FRK: variants seen among roughly 807,000 people sequenced by gnomAD.
FRK encodes tyrosine-protein kinase FRK.
In FRK, 51 loss-of-function variants were observed where a neutral mutation model predicts 56.4. The observed-to-expected ratio is 0.90, with a 90% CI of 0.72 to 1.14. The LOEUF (loss-of-function observed/expected upper bound fraction) is 1.14, where lower values mean the gene tolerates loss of function less well. Among genes scored for constraint, FRK ranks in the 50% most tolerant of loss-of-function variants. FRK has a pLI of 0.00. For missense variants in FRK, 570 were observed against 601.4 expected, an observed-to-expected ratio of 0.95 and a Z score of 0.55; for synonymous variants, 245 against 217.9, an observed-to-expected ratio of 1.12 and a Z score of -1.10.
At chr6:115,962,381 C>T (rs28768722) in intron 4 of FRK, among the ~76,000 whole-genome samples, 25,651 of 149,214 alleles carry the variant, frequency 0.17, 3,027 homozygotes, top group Middle Eastern at 0.3. Flanking sequence ...TACAGGAGCA[C>T]CCAGATTCAT....
Position 115,942,448 on chromosome 6 carries a change from G to C in FRK, c.1484C>G (p.Ser495Cys). The change falls in exon 8 of 8, where the codon TCT becomes TGT. Residue 495 changes from serine to cysteine, a missense_variant. Physicochemically the swap from Ser to Cys is moderately radical, Grantham distance 112. Transcript: ENST00000606080. ...GAAGTTATTTGCATCTGAATATGAA[G>C]AGTCTGTTTCAAAATAGTCTTCAAG... ...WKLEDYFETD[S>C]SYSDANNFIR is the part of the protein sequence containing the mutation. 6.2e-7 allele frequency: 1 copy of C among 1,613,518 alleles called. No individual in the cohort carries two copies. Among genetic ancestry groups the C allele is most frequent in the East Asian group, 2.2e-5 (1 of 44,862 alleles).
At chr6:116,056,926 G>T (rs997325130) in intron 1 of FRK, among the ~76,000 whole-genome samples, 1 of 152,196 alleles carries the variant, frequency 6.6e-6, no homozygotes, top group Non-Finnish European at 1.5e-5. Context: ...AGTGGGATAA[G>T]AATTAGTAAA....
At chr6:115,959,034 A>C (rs1279777042) in intron 4 of FRK, among the ~76,000 whole-genome samples, 1 of 152,182 alleles carries the variant, frequency 6.6e-6, no homozygotes, top group Non-Finnish European at 1.5e-5. Flanking sequence ...CTTCATGGCC[A>C]TGCTGGTTAT....
At position 115,936,481 on chromosome 6, in the gene FRK, G is replaced by A. The variant is rs1216484276; in HGVS notation, c.*5933C>T. The stretch of plus-strand genomic sequence containing the variant: ...AAACTGGATGGAGAATGAGTTTGAC[G>A]GATGGATAGAAGTAGGCCTCAGAAG... On this transcript the variant is annotated 3_prime_UTR_variant, in exon 8 of 8. Transcript: ENST00000606080. 3.9e-5 allele frequency: 6 copies of A among 152,096 alleles called. No homozygotes were observed. The highest frequency in any genetic ancestry group is 8.8e-5 in the Non-Finnish European group (6 of 68,042). 9.4% of individuals were successfully genotyped at this position (152,096 alleles called of 1,614,324 possible).
chr6:116,055,514 C>CA (rs1255018720), intron 1 of FRK, among the ~76,000 whole-genome samples: 1 of 152,198 alleles, frequency 6.6e-6, no homozygotes, highest in Non-Finnish European at 1.5e-5. Context: ...ACAAGAGATA[C>CA]AAAGACACCA....
At chr6:115,943,416 G>A (rs1312660266) in intron 6 of FRK, among the ~76,000 whole-genome samples, 2 of 148,118 alleles carry the variant, frequency 1.4e-5, no homozygotes, top group East Asian at 2.0e-4. Context: ...GCCAAGAATA[G>A]CACTGAAAGA....
At chr6:116,032,859 T>A (rs1776348623) in intron 1 of FRK, among the ~76,000 whole-genome samples, 1 of 152,176 alleles carries the variant, frequency 6.6e-6, no homozygotes, top group Non-Finnish European at 1.5e-5. Context: ...ATTAAAAAAA[T>A]TCTTCTTTGC....
chr6:116,036,264 G>A (rs1196394075), intron 1 of FRK, among the ~76,000 whole-genome samples: 1 of 152,094 alleles, frequency 6.6e-6, no homozygotes, highest in Non-Finnish European at 1.5e-5. Flanking sequence ...CCATCTTTCA[G>A]CAGTGTCTGA....
At chr6:116,067,350 T>C in the FRK span, among the ~76,000 whole-genome samples, 2 of 152,198 alleles carry the variant, frequency 1.3e-5, no homozygotes, top group Non-Finnish European at 2.9e-5. Context: ...AAAGGAACTA[T>C]TACAGCATGT....
At chr6:115,989,984 A>G (rs563108409) in intron 2 of FRK, among the ~76,000 whole-genome samples, 2 of 151,934 alleles carry the variant, frequency 1.3e-5, no homozygotes, top group South Asian at 2.1e-4. Context: ...GCCATTCTGA[A>G]TGGTGTAGGA....
At chr6:116,046,582 G>T (rs186866347) in intron 1 of FRK, among the ~76,000 whole-genome samples, 2 of 152,234 alleles carry the variant, frequency 1.3e-5, no homozygotes, top group East Asian at 1.9e-4. Context: ...ATTGAACAAT[G>T]AGAACATGTG....
chr6:116,028,736 C>A (rs1191525588), intron 1 of FRK, among the ~76,000 whole-genome samples: 1 of 152,122 alleles, frequency 6.6e-6, no homozygotes, highest in Non-Finnish European at 1.5e-5. Context: ...CCCGTATGGT[C>A]TCCTCCTAAC....
In FRK at chr6:115,934,910, G is replaced by A. The variant is rs1772016699; in HGVS notation, c.*7504C>T. On this transcript the variant is annotated 3_prime_UTR_variant, in exon 8 of 8. Transcript: ENST00000606080. ...GTTACAAAGTTTAATTCAAACTTAA[G>A]ATGAGTAAAAACCCTCTTATCCTAC... 6.8e-6 allele frequency: 1 copy of A among 147,700 alleles called. No homozygotes were observed. The highest frequency in any genetic ancestry group is 6.8e-5 in the Admixed American group (1 of 14,728). The allele number at this position is 147,700 out of a possible 1,614,324, so 9.1% of individuals were successfully genotyped here. A position where few individuals can be genotyped will look rare whatever the true frequency, so the allele number is the denominator to read the frequency against.
the FRK span, among the ~76,000 whole-genome samples, chr6:116,072,562 C>CAT: frequency 6.7e-6 from 1 of 148,608 alleles, no homozygotes; most frequent in Admixed American, 6.8e-5. Flanking sequence ...CACACACACA[C>CAT]ACAAGATACC....
chr6:115,947,564 C>T (rs1409467876), intron 5 of FRK, among the ~76,000 whole-genome samples: 1 of 152,078 alleles, frequency 6.6e-6, no homozygotes, highest in African/African-American at 2.4e-5. Flanking sequence ...ACAAGCCTGG[C>T]TCTTAAAATC....
At chr6:115,948,507 A>G (rs548013991) in intron 5 of FRK, among the ~76,000 whole-genome samples, 13 of 152,262 alleles carry the variant, frequency 8.5e-5, no homozygotes, top group African/African-American at 3.1e-4. Flanking sequence ...TTCTTCTCAT[A>G]TTCTTCTGGC....
At chr6:115,996,233 T>C (rs1416517293) in intron 2 of FRK, among the ~76,000 whole-genome samples, 2 of 152,154 alleles carry the variant, frequency 1.3e-5, no homozygotes, top group African/African-American at 4.8e-5. Flanking sequence ...ATACAATTAC[T>C]GACAAACACT....
At chr6:115,958,627 CA>C (rs1773112448) in intron 4 of FRK, among the ~76,000 whole-genome samples, 1 of 25,742 alleles carries the variant, frequency 3.9e-5, no homozygotes, top group Non-Finnish European at 7.7e-5. Context: ...GACTCTGTCT[CA>C]AAAAAGGAAA....
the FRK span, among the ~76,000 whole-genome samples, chr6:116,071,979 T>A: frequency 2.0e-5 from 3 of 152,166 alleles, no homozygotes. Flanking sequence ...CACATAATTG[T>A]TGAACATCCC....
Sources: gnomAD v4.1 joint callset for allele counts (sites outside exome capture counted in the v4.1 genomes callset) on GRCh38, gnomAD v4.1.1 for gene constraint, MANE v1.5 for transcripts, NCBI Gene and HGNC (gene_info 2026-07-23, HGNC 2026-07-21) for gene names.